The following MAP4K3 variants were observed in gnomAD, a reference collection of about 807,000 sequenced individuals.
The protein encoded by MAP4K3 is MAPK/ERK kinase kinase kinase 3.
A neutral mutation model predicts 143.5 loss-of-function variants in MAP4K3; 94 were observed. That is an observed-to-expected ratio of 0.65 (90% CI 0.55 to 0.78). The LOEUF (loss-of-function observed/expected upper bound fraction) is 0.78, where lower values mean the gene tolerates loss of function less well. Ranked by LOEUF, MAP4K3 falls within the 30% of genes least tolerant of loss-of-function variation. The probability of loss-of-function intolerance (pLI) is 0.00; values close to 1 mark genes in which losing one functional copy is unlikely to be tolerated. For missense variants in MAP4K3, 1,077 were observed against 1,068.1 expected (o/e 1.01, Z -0.12); for synonymous variants, 416 against 347.2 (o/e 1.20, Z -2.20).
chr2:39,290,920 T>C (rs930094896), intron 18 of MAP4K3, among the ~76,000 whole-genome samples: 3 of 151,796 alleles, frequency 2.0e-5, no homozygotes, highest in Non-Finnish European at 4.4e-5. Context: ...CTACTAAAAA[T>C]ACAAAAAAAT....
chr2:39,294,976 G>A (rs79745449), intron 16 of MAP4K3, among the ~76,000 whole-genome samples: 6,649 of 151,330 alleles, frequency 0.044, 166 homozygotes, highest in South Asian at 0.058. Context: ...ACAACAGATT[G>A]AATGCAGTAG....
At chr2:39,314,373 A>G (rs147264795) in intron 13 of MAP4K3, among the ~76,000 whole-genome samples, 2 of 152,362 alleles carry the variant, frequency 1.3e-5, no homozygotes, top group Non-Finnish European at 2.9e-5. Flanking sequence ...AAGATATTTC[A>G]TAATTATTTT....
Position 39,260,758 on chromosome 2 carries a change from G to C in MAP4K3, c.2156C>G (p.Pro719Arg). The change falls in exon 29 of 34, where the codon CCA becomes CGA. Residue 719 changes from proline (P) to arginine (R), a missense_variant. Transcript: ENST00000263881. ...CATTTCAAACATTCTAAGTGGACAT[G>C]GTATAGGAAAATCTATGTGCTAGAG... ...MLIKHIDFPIPCPLRMFEMLV... is the reference protein window; with the variant it reads ...MLIKHIDFPIRCPLRMFEMLV... 1 of 1,610,234 alleles carries C rather than the reference G, an allele frequency of 6.2e-7. No individual in the cohort carries two copies. The highest frequency in any genetic ancestry group is 8.5e-7 in the Non-Finnish European group (1 of 1,177,730).
intron 5 of MAP4K3, 114 bp from the exon 6 acceptor site, chr2:39,337,081 A>T (rs1664990060): frequency 3.9e-6 from 2 of 517,868 alleles, no homozygotes; most frequent in Admixed American, 4.0e-5. Context: ...TTTACAGGAG[A>T]TCTAGTACTA....
chr2:39,358,426 G>A (rs1450103199), intron 2 of MAP4K3, among the ~76,000 whole-genome samples: 1 of 152,022 alleles, frequency 6.6e-6, no homozygotes, highest in Admixed American at 6.6e-5. Flanking sequence ...TCAGCTTTTG[G>A]TTTAATTTCA....
intron 1 of MAP4K3, among the ~76,000 whole-genome samples, chr2:39,415,024 G>A (rs1392839520): frequency 6.6e-6 from 1 of 152,086 alleles, no homozygotes; most frequent in Admixed American, 6.6e-5. Flanking sequence ...ATTTTTTAGA[G>A]AACTGAAAAG....
chr2:39,414,448 A>C (rs933065748), intron 1 of MAP4K3, among the ~76,000 whole-genome samples: 2 of 152,246 alleles, frequency 1.3e-5, no homozygotes, highest in African/African-American at 4.8e-5. Flanking sequence ...TTTTAGAAGA[A>C]TACATTTTCT....
At chr2:39,253,458 T>C (rs1022951832) in intron 32 of MAP4K3, among the ~76,000 whole-genome samples, 5 of 152,272 alleles carry the variant, frequency 3.3e-5, no homozygotes, top group African/African-American at 9.6e-5. Flanking sequence ...ACACTTACTA[T>C]AGGTCAGGAA....
intron 24 of MAP4K3, 143 bp from the exon 25 acceptor site, chr2:39,272,685 G>C: frequency 1.6e-6 from 1 of 633,490 alleles, no homozygotes; most frequent in Non-Finnish European, 2.8e-6. Flanking sequence ...ACTTTATCAA[G>C]GATTCAAACC....
intron 3 of MAP4K3, among the ~76,000 whole-genome samples, chr2:39,344,208 T>A (rs1665220450): frequency 6.6e-6 from 1 of 152,186 alleles, no homozygotes; most frequent in Non-Finnish European, 1.5e-5. Context: ...TAATATTTGT[T>A]CCATAAATGA....
chr2:39,330,210 T>G (rs1469634587), intron 8 of MAP4K3, among the ~76,000 whole-genome samples: 1 of 152,068 alleles, frequency 6.6e-6, no homozygotes, highest in Non-Finnish European at 1.5e-5. Context: ...TAAAAAAATA[T>G]TTTTTGAGGT....
intron 2 of MAP4K3, among the ~76,000 whole-genome samples, chr2:39,366,888 A>C (rs1456295799): frequency 6.6e-6 from 1 of 152,216 alleles, no homozygotes; most frequent in African/African-American, 2.4e-5. Context: ...AAACCACAGA[A>C]GCAGCACCCA....
At chr2:39,396,293 G>C (rs1666803122) in intron 1 of MAP4K3, among the ~76,000 whole-genome samples, 1 of 151,866 alleles carries the variant, frequency 6.6e-6, no homozygotes, top group Non-Finnish European at 1.5e-5. Flanking sequence ...CTCCCACCTC[G>C]ACCTCATGAA....
At chr2:39,344,857 G>A (rs1208933615) in intron 3 of MAP4K3, among the ~76,000 whole-genome samples, 3 of 152,190 alleles carry the variant, frequency 2.0e-5, no homozygotes, top group Non-Finnish European at 2.9e-5. Flanking sequence ...GACTGTGGGT[G>A]ATTTAGTGGG....
At chr2:39,345,467 G>A (rs1321960223) in intron 3 of MAP4K3, among the ~76,000 whole-genome samples, 1 of 152,138 alleles carries the variant, frequency 6.6e-6, no homozygotes, top group Non-Finnish European at 1.5e-5. Context: ...GGTCACATAT[G>A]GTTGGGTAGT....
chr2:39,258,075 G>C (rs1680417504), intron 31 of MAP4K3, among the ~76,000 whole-genome samples: 2 of 151,940 alleles, frequency 1.3e-5, no homozygotes, highest in Admixed American at 6.6e-5. Flanking sequence ...CGGACTACAG[G>C]CGTGTGCCAG....
chr2:39,374,371 A>C (rs962248222), intron 2 of MAP4K3, among the ~76,000 whole-genome samples: 15 of 152,180 alleles, frequency 9.9e-5, no homozygotes, highest in African/African-American at 3.6e-4. Context: ...AAACAATAAA[A>C]AATAAAAATT....
chr2:39,251,529 C>T (rs1040515753), intron 33 of MAP4K3, among the ~76,000 whole-genome samples: 5 of 152,156 alleles, frequency 3.3e-5, no homozygotes, highest in African/African-American at 1.2e-4. Context: ...AAAATCCTAT[C>T]GGCATTAACA....
At chr2:39,349,226 T>G (rs1348512487) in intron 3 of MAP4K3, among the ~76,000 whole-genome samples, 1 of 152,226 alleles carries the variant, frequency 6.6e-6, no homozygotes, top group Non-Finnish European at 1.5e-5. Context: ...TGTTTTAATA[T>G]AAATAACTTA....
Sources: allele counts gnomAD v4.1 joint callset (sites outside exome capture counted in the v4.1 genomes callset), GRCh38; gene constraint gnomAD v4.1.1; transcripts MANE v1.5; gene names NCBI Gene and HGNC (gene_info 2026-07-23, HGNC 2026-07-21).